Variants in SLC17A7 observed in about 807,000 individuals in gnomAD.
The protein encoded by SLC17A7 is solute carrier family 17 member 7.
Under a neutral mutation model 59.1 loss-of-function variants are expected in SLC17A7, and 15 were observed. The observed-to-expected ratio is 0.25, with a 90% CI of 0.17 to 0.39. SLC17A7 has a LOEUF of 0.39. Ranked by LOEUF, SLC17A7 falls within the 10% of genes least tolerant of loss-of-function variation. The pLI is 1.00. For missense variants in SLC17A7, 499 were observed against 765.1 expected (o/e 0.65, Z 4.10); for synonymous variants, 353 against 308.9 (o/e 1.14, Z -1.50).
rs760526596 is a variant in SLC17A7 at position 49,430,590 on chromosome 19, G to C, written c.1612C>G (p.Pro538Ala). Residue 538 changes from proline to alanine, a missense_variant, in exon 12 of 12, where the codon CCG becomes GCG. Physicochemically the swap from Pro to Ala is conservative, Grantham distance 27. This residue lies in a region of SLC17A7 where 98 missense variants were observed against 77.5 expected (regional missense o/e 1.27). Coordinates refer to ENST00000221485, the MANE Select transcript of SLC17A7 (RefSeq NM_020309.4). The stretch of plus-strand genomic sequence containing the variant: ...CTGTGTGTGGCCCCATAGGAGGGCG[G>C]GGGTGCAGGGGGTGCCCCCGGGGGC... ...AEPPGAPPAP[P>A]PSYGATHSTF... 6.2e-7 allele frequency: 1 copy of C among 1,612,400 alleles called. No homozygotes were observed. Among genetic ancestry groups the C allele is most frequent in the East Asian group, 2.2e-5 (1 of 44,864 alleles).
intron 1 of SLC17A7, chr19:49,437,236 G>A (rs762483590): frequency 2.1e-5 from 4 of 186,574 alleles, no homozygotes; most frequent in Non-Finnish European, 4.6e-5. Context: ...AAGAACAGAT[G>A]CTTCTCAGCC....
intron 9 of SLC17A7, 150 bp downstream of exon 9, chr19:49,432,369 T>A (rs1025951761): frequency 8.9e-7 from 1 of 1,126,026 alleles, no homozygotes; most frequent in African/African-American, 1.6e-5. Context: ...CTGCCCCGGC[T>A]CCACCCTGTT....
In SLC17A7 at chr19:49,434,890, G is replaced by T. The variant is rs190387071; in HGVS notation, c.435-8C>A. The T allele has an allele frequency of 9.3e-6, 15 of 1,607,968 alleles. No homozygotes were observed. The highest frequency in any genetic ancestry group is 1.3e-5 in the African/African-American group (1 of 74,654). ...ATAGCAAAGCCGAAAACTCTGATGG[G>T]AAGGGTCAGAGAAAAGAATCCAAGC... is the stretch of plus-strand genomic sequence containing the variant. On this transcript the variant is annotated splice_polypyrimidine_tract_variant and splice_region_variant and intron_variant, in intron 3 of 11. Coordinates refer to ENST00000221485, the MANE Select transcript of SLC17A7 (RefSeq NM_020309.4).
chr19:49,436,432 C>T lies in SLC17A7; in HGVS notation c.315+117G>A, dbSNP rs998275800. The T allele has an allele frequency of 6.6e-6, 9 of 1,372,840 alleles. No homozygotes were observed. Among genetic ancestry groups the T allele is most frequent in the Non-Finnish European group, 7.0e-6 (7 of 1,006,378 alleles). The allele number at this position is 1,372,840 out of a possible 1,614,324, so 85.0% of individuals were successfully genotyped here. A position where few individuals can be genotyped will look rare whatever the true frequency, so the allele number is the denominator to read the frequency against. On this transcript the variant is annotated intron_variant, in intron 2 of 11. Coordinates refer to ENST00000221485, the MANE Select transcript of SLC17A7 (RefSeq NM_020309.4). The surrounding 1 kb of genome is among the most constrained non-coding windows in gnomAD (Gnocchi z 4.1). Reference sequence around the variant, plus strand: ...CACGGATTGGGCGGAGCTATTCCGACAGCGTTTCGGAAGGGGCGTGGCCTG... The same window carrying T: ...CACGGATTGGGCGGAGCTATTCCGATAGCGTTTCGGAAGGGGCGTGGCCTG...
At position 49,432,552 on chromosome 19, in the gene SLC17A7, T is replaced by C; in HGVS notation, c.1117A>G (p.Thr373Ala). Residue 373 changes from threonine (T) to alanine (A), a missense_variant, in exon 9 of 12, where the codon ACC (threonine) becomes GCC (alanine). Physicochemically the swap from Thr to Ala is moderately conservative, Grantham distance 58. Around this residue, in one of 3 missense-constraint regions of SLC17A7, gnomAD observed 323 missense variants for 607.2 expected, o/e 0.53. Transcript: ENST00000221485. ...TTCATCAACTTGCGCACGTTGGTGG[T>C]GGACATGATGCGGCGGCTCCGCAGG... is the stretch of plus-strand genomic sequence containing the variant. ...DFLRSRRIMS[T>A]TNVRKLMNCG... is the part of the protein sequence containing the mutation. The C allele has an allele frequency of 6.2e-7, 1 of 1,613,568 alleles. No individual in the cohort carries two copies.
Position 49,431,203 on chromosome 19 carries a change from G to A in SLC17A7, c.1262-61C>T. ...AATCTCACTCGAGTGATTCCCACTG[G>A]GACGTTCTCAACCCTCTCCCCTCCC... is the stretch of plus-strand genomic sequence containing the variant. On this transcript the variant is annotated intron_variant, in intron 10 of 11. Transcript: ENST00000221485. The surrounding 1 kb of genome is among the most constrained non-coding windows in gnomAD (Gnocchi z 4.6). 6.3e-7 allele frequency: 1 copy of A among 1,578,312 alleles called. No homozygotes were observed. The highest frequency in any genetic ancestry group is 1.2e-5 in the South Asian group (1 of 85,866).
intron 4 of SLC17A7, 35 bp downstream of exon 4, chr19:49,434,733 G>C: frequency 1.2e-6 from 2 of 1,614,000 alleles, no homozygotes; most frequent in South Asian, 2.2e-5. Flanking sequence ...GGCAGGGTCC[G>C]AGCGAGGGCA....
rs763333486 is a variant in SLC17A7 at position 49,434,027 on chromosome 19, C to T, written c.657G>A (p.Val219=). Residue 219 remains valine (V), a synonymous_variant, in exon 6 of 12, where the codon GTG becomes GTA. Coordinates refer to ENST00000221485, the MANE Select transcript of SLC17A7 (RefSeq NM_020309.4). ...GGACCCCGGCGAGGGGCATCGCGAC[C>T]ACCGCCCCAGCATAGGAACCTAAGG... ...TAFCGSYAGA[V]VAMPLAGVLV... 5.6e-6 allele frequency: 9 copies of T among 1,613,172 alleles called. No individual in the cohort carries two copies. Among genetic ancestry groups the T allele is most frequent in the African/African-American group, 1.3e-5 (1 of 74,874 alleles).
rs2078979037 is a variant in SLC17A7, at chr19:49,436,235, A to G, written c.315+314T>C. 2 of 420,892 alleles carry G rather than the reference A, an allele frequency of 4.8e-6. No homozygotes were observed. The highest frequency in any genetic ancestry group is 8.0e-5 in the East Asian group (2 of 24,920). The allele number at this position is 420,892 out of a possible 1,614,324, so 26.1% of individuals were successfully genotyped here. Reference sequence around the variant, plus strand: ...AGCTTGGGGTACAGGCGTGAGCAAAATTGCTAGTAGGTCCAAAATGGGGCA... The same window carrying G: ...AGCTTGGGGTACAGGCGTGAGCAAAGTTGCTAGTAGGTCCAAAATGGGGCA... On this transcript the variant is annotated intron_variant, in intron 2 of 11. Coordinates refer to ENST00000221485, the MANE Select transcript of SLC17A7 (RefSeq NM_020309.4). The surrounding 1 kb of genome is among the most constrained non-coding windows in gnomAD (Gnocchi z 4.1).
chr19:49,434,880 ACT>A lies in SLC17A7; in HGVS notation c.435_436del (p.Arg145SerfsTer147). 6.2e-7 allele frequency: 1 copy of A among 1,612,394 alleles called. No individual in the cohort carries two copies. Among genetic ancestry groups the A allele is most frequent in the Non-Finnish European group, 8.5e-7 (1 of 1,179,172 alleles). On this transcript the variant is annotated frameshift_variant and splice_region_variant, in exon 4 of 12. Transcript: ENST00000221485. LOFTEE classifies it high-confidence loss of function. ...TGTTGCCACAATAGCAAAGCCGAAA[ACT>A]CTGATGGGAAGGGTCAGAGAAAAGA...
chr19:49,434,109 C>T (rs1707816804), intron 5 of SLC17A7, 63 bp from the exon 6 acceptor site: 4 of 1,072,240 alleles, frequency 3.7e-6, no homozygotes, highest in Admixed American at 1.8e-5. Flanking sequence ...GAGTGCGGAC[C>T]CCCACCGCTT....
rs2078981667 is a variant in SLC17A7, at chr19:49,436,818, G to A, written c.63-17C>T. 6.3e-7 allele frequency: 1 copy of A among 1,596,512 alleles called. No homozygotes were observed. The highest frequency in any genetic ancestry group is 1.3e-5 in the African/African-American group (1 of 74,838). On this transcript the variant is annotated splice_polypyrimidine_tract_variant and intron_variant, in intron 1 of 11. Coordinates refer to ENST00000221485, the MANE Select transcript of SLC17A7 (RefSeq NM_020309.4). This position sits in a 1 kb window ranked among gnomAD's most constrained non-coding sequence, Gnocchi z 4.1. ...TCCAGAAGGCTGCGGGACAGCAAGA[G>A]CCAGAGACTCGGAAGTCCAGGCCCC...
At position 49,430,602 on chromosome 19, in the gene SLC17A7, G is replaced by T; in HGVS notation, c.1600C>A (p.Pro534Thr). Residue 534 changes from proline to threonine, a missense_variant, in exon 12 of 12, where the codon CCC becomes ACC. Coordinates refer to ENST00000221485, the MANE Select transcript of SLC17A7 (RefSeq NM_020309.4). ...MEDEAEPPGAPPAPPPSYGAT... is the reference protein window; with the variant it reads ...MEDEAEPPGATPAPPPSYGAT... ...CCATAGGAGGGCGGGGGTGCAGGGG[G>T]TGCCCCCGGGGGCTCAGCCTCATCC... 6 of 1,613,402 alleles carry T rather than the reference G, an allele frequency of 3.7e-6. No individual in the cohort carries two copies. The highest frequency in any genetic ancestry group is 1.1e-5 in the South Asian group (1 of 91,068).
chr19:49,441,455 G>C lies in SLC17A7; in HGVS notation c.-76C>G, dbSNP rs1214518134. The C allele has an allele frequency of 8.5e-7, 1 of 1,172,234 alleles. No individual in the cohort carries two copies. The highest frequency in any genetic ancestry group is 1.0e-6 in the Non-Finnish European group (1 of 965,778). The allele number at this position is 1,172,234 out of a possible 1,614,324, so 72.6% of individuals were successfully genotyped here. A position where few individuals can be genotyped will look rare whatever the true frequency, so the allele number is the denominator to read the frequency against. On this transcript the variant is annotated 5_prime_UTR_variant, in exon 1 of 12. Transcript: ENST00000221485. ...CCCGCCCGCGGGCCCGGGCGGCCGC[G>C]TCCGGGTTCCCGGGGTCCAGCCCCG...
chr19:49,435,050 A>G, intron 3 of SLC17A7, 118 bp downstream of exon 3: 2 of 1,017,038 alleles, frequency 2.0e-6, no homozygotes, highest in Non-Finnish European at 3.0e-6. Flanking sequence ...TCTAAGACCC[A>G]CCCCCAAATC....
chr19:49,432,723 C>T, intron 8 of SLC17A7, 72 bp from the exon 9 acceptor site: 1 of 1,604,944 alleles, frequency 6.2e-7, no homozygotes, highest in Non-Finnish European at 8.5e-7. Flanking sequence ...GGTCCGTGCA[C>T]CACCGGCTCC....
chr19:49,434,899 G>A lies in SLC17A7; in HGVS notation c.435-17C>T, dbSNP rs1418801563. On this transcript the variant is annotated splice_polypyrimidine_tract_variant and intron_variant, in intron 3 of 11. Transcript: ENST00000221485. ...CCGAAAACTCTGATGGGAAGGGTCAGAGAAAAGAATCCAAGCTATCCAGCC... is the reference window on the plus strand; with the variant it reads ...CCGAAAACTCTGATGGGAAGGGTCAAAGAAAAGAATCCAAGCTATCCAGCC... The A allele has an allele frequency of 2.5e-6, 4 of 1,605,208 alleles. No homozygotes were observed. Among genetic ancestry groups the A allele is most frequent in the South Asian group, 2.2e-5 (2 of 90,420 alleles).
chr19:49,434,970 T>G lies in SLC17A7; in HGVS notation c.435-88A>C, dbSNP rs556097650. On this transcript the variant is annotated intron_variant, in intron 3 of 11. Transcript: ENST00000221485. Reference sequence around the variant, plus strand: ...CCCGCCCACAGCAAGCTAGGCCCAGTGGTCCCCGGGACCCCAGGTCCCACC... The same window carrying G: ...CCCGCCCACAGCAAGCTAGGCCCAGGGGTCCCCGGGACCCCAGGTCCCACC... 9.2e-5 allele frequency: 123 copies of G among 1,331,936 alleles called. No homozygotes were observed. In the East Asian group the frequency reaches 2.7e-3, roughly 29 times the overall value. 82.5% of individuals were successfully genotyped at this position (1,331,936 alleles called of 1,614,324 possible).
intron 2 of SLC17A7, 119 bp from the exon 3 acceptor site, chr19:49,435,405 A>G (rs1039134381): frequency 4.3e-6 from 3 of 695,182 alleles, no homozygotes; most frequent in Non-Finnish European, 7.7e-6. Flanking sequence ...TCCCACCTCC[A>G]AAAGCCTGCC....
Sources: gnomAD v4.1 joint callset for allele counts on GRCh38, gnomAD v4.1.1 for gene constraint, gnomAD v4.1.1 regional missense constraint, Gnocchi (gnomAD v3.1) non-coding constraint, MANE v1.5 for transcripts, NCBI Gene and HGNC (gene_info 2026-07-23, HGNC 2026-07-21) for gene names.